The following PRKCZ variants were observed in gnomAD, a reference collection of about 807,000 sequenced individuals.
The protein encoded by PRKCZ is protein kinase C zeta type.
PRKCZ carries 33 observed loss-of-function variants against 79.5 expected under a neutral mutation model. That is an observed-to-expected ratio of 0.41 (90% confidence interval 0.31 to 0.55). PRKCZ has a LOEUF of 0.55. Ranked by LOEUF, PRKCZ falls within the 20% of genes least tolerant of loss-of-function variation. The pLI, the probability that PRKCZ is intolerant of heterozygous loss-of-function variation, is 0.19. For synonymous variants in PRKCZ, 342 were observed against 320.9 expected, an observed-to-expected ratio of 1.07 and a Z score of -0.70; for missense variants, 578 against 813.5, an observed-to-expected ratio of 0.71 and a Z score of 3.52.
chr1:2,160,016 AC>A (rs1418248776), intron 10 of PRKCZ, among the ~76,000 whole-genome samples: 1 of 152,176 alleles, frequency 6.6e-6, no homozygotes, highest in Non-Finnish European at 1.5e-5. Flanking sequence ...CCCTTAAAAT[AC>A]GCCCATTCAC....
intron 4 of PRKCZ, among the ~76,000 whole-genome samples, chr1:2,086,903 A>C (rs962093668): frequency 7.9e-5 from 12 of 152,186 alleles, no homozygotes; most frequent in African/African-American, 2.9e-4. Flanking sequence ...AGGGCTTCTC[A>C]GCATTCTTTT....
chr1:2,108,657 T>C (rs6666117), intron 4 of PRKCZ, among the ~76,000 whole-genome samples: 117,676 of 152,196 alleles, frequency 0.77, 48,094 homozygotes, highest in Non-Finnish European at 0.88. Context: ...CTGGTGGCCG[T>C]GGGAGAAGCA....
Position 2,156,003 on chromosome 1 carries a change from C to T in PRKCZ, c.885C>T (p.Asp295=), listed in dbSNP as rs1408498132. ...KELVHDDEDI[D]WVQTEKHVFE... ...CCTGGTTTCTATTTCAGGATATTGACTGGGTACAGACAGAGAAGCACGTGT... is the reference window on the plus strand; with the variant it reads ...CCTGGTTTCTATTTCAGGATATTGATTGGGTACAGACAGAGAAGCACGTGT... The change falls in exon 10 of 18, where the codon GAC becomes GAT. Residue 295 remains aspartate, a synonymous_variant. Coordinates refer to ENST00000378567, the MANE Select transcript of PRKCZ (RefSeq NM_002744.6). 5.6e-6 allele frequency: 9 copies of T among 1,613,708 alleles called. No individual in the cohort carries two copies. Among genetic ancestry groups the T allele is most frequent in the Non-Finnish European group, 7.6e-6 (9 of 1,179,688 alleles).
In PRKCZ at chr1:2,094,207, G is replaced by T. The variant is rs1043440056; in HGVS notation, c.334+34616G>T. ...CCCCCCACTTCCACCTGTCTTGGAC[G>T]GGAGCTGGAAGGGACGTGGTTCCAG... On this transcript the variant is annotated intron_variant, in intron 4 of 17. Transcript: ENST00000378567. The surrounding 1 kb of genome is among the most constrained non-coding windows in gnomAD (Gnocchi z 7.3). Among the ~76,000 whole-genome samples, 1 of 152,098 alleles carries T rather than the reference G, an allele frequency of 6.6e-6. No individual in the cohort carries two copies. The highest frequency in any genetic ancestry group is 2.4e-5 in the African/African-American group (1 of 41,396).
chr1:2,152,862 G>A (rs964188468), intron 9 of PRKCZ, among the ~76,000 whole-genome samples: 1 of 152,246 alleles, frequency 6.6e-6, no homozygotes, highest in African/African-American at 2.4e-5. Context: ...GTTGTCCAGT[G>A]GAGGCCCCAC....
chr1:2,088,255 G>A (rs923523631), intron 4 of PRKCZ, among the ~76,000 whole-genome samples: 7 of 151,940 alleles, frequency 4.6e-5, no homozygotes, highest in African/African-American at 9.7e-5. Flanking sequence ...TCTGTCCCTC[G>A]TCCTCCTCAC....
At position 2,149,716 on chromosome 1, in the gene PRKCZ, C is replaced by T. The variant is rs1679442201; in HGVS notation, c.687+792C>T. Among the ~76,000 whole-genome samples, 1 of 152,134 alleles carries T rather than the reference C, an allele frequency of 6.6e-6. No individual in the cohort carries two copies. The highest frequency in any genetic ancestry group is 1.5e-5 in the Non-Finnish European group (1 of 68,028). ...ACAAAAATAAATACAAAATAATTAG[C>T]TGGGCATGGTGGCACGGGCCTGTGG... On this transcript the variant is annotated intron_variant, in intron 8 of 17. Coordinates refer to ENST00000378567, the MANE Select transcript of PRKCZ (RefSeq NM_002744.6). This position sits in a 1 kb window ranked among gnomAD's most constrained non-coding sequence, Gnocchi z 4.1.
intron 17 of PRKCZ, 25 bp from the exon 18 acceptor site, chr1:2,184,897 T>A (rs1572078962): frequency 1.9e-6 from 3 of 1,588,206 alleles, no homozygotes; most frequent in Non-Finnish European, 2.6e-6. Flanking sequence ...GTCACCCCCC[T>A]CCCCCCTGCC....
intron 10 of PRKCZ, among the ~76,000 whole-genome samples, chr1:2,157,930 G>C (rs1252867975): frequency 6.6e-6 from 1 of 152,194 alleles, no homozygotes; most frequent in Non-Finnish European, 1.5e-5. Context: ...TGCGGGCCAG[G>C]CTTCCTAAGC....
chr1:2,108,128 C>T (rs926454565), intron 4 of PRKCZ, among the ~76,000 whole-genome samples: 9 of 152,366 alleles, frequency 5.9e-5, no homozygotes, highest in African/African-American at 1.7e-4. Flanking sequence ...CTCAATAGAC[C>T]TTCAGAGAAA....
chr1:2,126,709 C>T (rs1215083642), intron 4 of PRKCZ, among the ~76,000 whole-genome samples: 9 of 152,224 alleles, frequency 5.9e-5, no homozygotes, highest in East Asian at 3.8e-4. Flanking sequence ...AGCTCCACCA[C>T]GAGGGGACCT....
intron 4 of PRKCZ, among the ~76,000 whole-genome samples, chr1:2,100,395 C>T (rs770035846): frequency 6.6e-6 from 1 of 152,182 alleles, no homozygotes; most frequent in Non-Finnish European, 1.5e-5. Context: ...CCCAGCTGCC[C>T]CTTCCTCCAG....
intron 4 of PRKCZ, among the ~76,000 whole-genome samples, chr1:2,090,728 C>T (rs372359529): frequency 7.2e-5 from 11 of 152,330 alleles, no homozygotes; most frequent in South Asian, 4.1e-4. Flanking sequence ...GAGCGGCAGC[C>T]GGGGGCGTCT....
intron 4 of PRKCZ, among the ~76,000 whole-genome samples, chr1:2,113,790 G>T (rs1670209973): frequency 6.6e-6 from 1 of 152,154 alleles, no homozygotes; most frequent in Non-Finnish European, 1.5e-5. Flanking sequence ...CCTTGTGGGG[G>T]TGACTCCAGG....
intron 9 of PRKCZ, among the ~76,000 whole-genome samples, chr1:2,153,159 T>C (rs262663): frequency 0.39 from 59,386 of 152,152 alleles, 11,653 homozygotes; most frequent in Admixed American, 0.42. Flanking sequence ...TGATGATCGC[T>C]ATCCTGGCAG....
chr1:2,085,525 AACTC>A (rs1392880273), intron 4 of PRKCZ, among the ~76,000 whole-genome samples: 2 of 152,232 alleles, frequency 1.3e-5, no homozygotes, highest in Non-Finnish European at 2.9e-5. Flanking sequence ...CGTTTTTCAC[AACTC>A]TTGTCCTCTG....
intron 4 of PRKCZ, among the ~76,000 whole-genome samples, chr1:2,101,727 G>A (rs559651683): frequency 1.0e-3 from 153 of 152,196 alleles, no homozygotes; most frequent in African/African-American, 3.5e-3. Flanking sequence ...GGTCTGGACC[G>A]CATCTGATAC....
Position 2,173,184 on chromosome 1 carries a change from G to T in PRKCZ, c.1286-713G>T, listed in dbSNP as rs148034420. 1.3e-5 allele frequency among the ~76,000 whole-genome samples: 2 copies of T among 152,306 alleles called. No homozygotes were observed. The highest frequency in any genetic ancestry group is 3.9e-4 in the East Asian group (2 of 5,182). ...ACACATTTTTTTTGCCATCAGAATG[G>T]GTGTGGGGCAGGCAGGGCGGGCAGG... On this transcript the variant is annotated intron_variant, in intron 13 of 17. Transcript: ENST00000378567. The surrounding 1 kb of genome is among the most constrained non-coding windows in gnomAD (Gnocchi z 5.7).
chr1:2,116,225 T>C (rs1449977134), intron 4 of PRKCZ: 3 of 152,266 alleles, frequency 2.0e-5, no homozygotes, highest in Admixed American at 6.5e-5. Flanking sequence ...TGCACCTCCT[T>C]CCAGCACATG....
Sources: allele counts gnomAD v4.1 joint callset (sites outside exome capture counted in the v4.1 genomes callset), GRCh38; gene constraint gnomAD v4.1.1; non-coding constraint Gnocchi (gnomAD v3.1); transcripts MANE v1.5; gene names NCBI Gene and HGNC (gene_info 2026-07-23, HGNC 2026-07-21).